Variants in TRIP12 observed in about 807,000 individuals in gnomAD.
TRIP12 encodes the protein thyroid hormone receptor interactor 12, also known as E3 ubiquitin-protein ligase TRIP12.
A neutral mutation model predicts 244.2 loss-of-function variants in TRIP12; 25 were observed. That is an observed-to-expected ratio of 0.10 (90% CI 0.07 to 0.14). The LOEUF is 0.14. Ranked by LOEUF, TRIP12 falls within the 10% of genes least tolerant of loss-of-function variation. The probability of loss-of-function intolerance (pLI) is 1.00; values close to 1 mark genes in which losing one functional copy is unlikely to be tolerated. For missense variants in TRIP12, 1,677 were observed against 2,486.4 expected (o/e 0.67, Z 6.92); for synonymous variants, 905 against 873.1 (o/e 1.04, Z -0.64).
chr2:229,795,095 T>A (rs1355221008), intron 26 of TRIP12, 84 bp downstream of exon 26: 1 of 1,504,678 alleles, frequency 6.6e-7, no homozygotes, highest in African/African-American at 1.4e-5. Flanking sequence ...AATCAAGACT[T>A]TACCAGACCT....
intron 25 of TRIP12, among the ~76,000 whole-genome samples, chr2:229,796,332 T>C (rs907283263): frequency 3.3e-5 from 5 of 152,224 alleles, no homozygotes; most frequent in Non-Finnish European, 5.9e-5. Context: ...CTACTATTAA[T>C]GGCTCATCCT....
intron 8 of TRIP12, among the ~76,000 whole-genome samples, chr2:229,828,370 C>T (rs1234330544): frequency 8.7e-5 from 13 of 149,690 alleles, no homozygotes; most frequent in African/African-American, 3.2e-4. Flanking sequence ...TTCCAGGCTT[C>T]TCCCCAGTGA....
At chr2:229,856,583 A>G (rs1407242703) in intron 4 of TRIP12, among the ~76,000 whole-genome samples, 1 of 152,214 alleles carries the variant, frequency 6.6e-6, no homozygotes, top group African/African-American at 2.4e-5. Context: ...CACATAAGAG[A>G]TGAGTTCTTC....
At chr2:229,824,663 G>C (rs1331654156) in intron 8 of TRIP12, among the ~76,000 whole-genome samples, 1 of 152,178 alleles carries the variant, frequency 6.6e-6, no homozygotes, top group African/African-American at 2.4e-5. Context: ...TGAACACGAA[G>C]AGTGAACACC....
chr2:229,880,028 T>C lies in TRIP12; in HGVS notation c.52A>G (p.Arg18Gly). 1 of 1,614,188 alleles carries C rather than the reference T, an allele frequency of 6.2e-7. No individual in the cohort carries two copies. The highest frequency in any genetic ancestry group is 8.5e-7 in the Non-Finnish European group (1 of 1,180,042). The change falls in exon 2 of 42, where the codon AGG becomes GGG. Residue 18 changes from arginine to glycine, a missense_variant. Transcript: ENST00000675903. Reference sequence around the variant, plus strand: ...TGTGGTTGGGCCCCGGCAGTGTTCCTCTGTGAACGTCGCAGTGACCCCCCT... The same window carrying C: ...TGTGGTTGGGCCCCGGCAGTGTTCCCCTGTGAACGTCGCAGTGACCCCCCT... ...NPGGSLRRSQ[R>G]NTAGAQPQDD...
At chr2:229,922,790 C>T (rs762786478), upstream of TRIP12, among the ~76,000 whole-genome samples, 4 of 152,220 alleles carry the variant, frequency 2.6e-5, no homozygotes, top group Admixed American at 6.5e-5. Flanking sequence ...CCCGCGTGTC[C>T]CTGCTCTCCC....
chr2:229,788,820 G>C lies in TRIP12; in HGVS notation c.4816C>G (p.Leu1606Val), dbSNP rs1260289635. 2 of 1,613,750 alleles carry C rather than the reference G, an allele frequency of 1.2e-6. No homozygotes were observed. Residue 1606 changes from leucine (L) to valine (V), a missense_variant, in exon 32 of 42, where the codon CTT (leucine) becomes GTT (valine). This residue lies in a region of TRIP12 where 265 missense variants were observed against 370.8 expected (regional missense o/e 0.71). Coordinates refer to ENST00000675903, the MANE Select transcript of TRIP12 (RefSeq NM_001348323.3). ...TACCAGGTTTTTCCTAGCTCAGTAA[G>C]CCATGTTGGGATGTTTCCTGTCATG... ...VIMTGNIPTW[L>V]TELGKTCPFF...
intron 4 of TRIP12, among the ~76,000 whole-genome samples, chr2:229,841,525 T>C (rs1208089504): frequency 1.3e-5 from 2 of 152,224 alleles, no homozygotes; most frequent in African/African-American, 2.4e-5. Context: ...TACAGGTCAA[T>C]AGGCTCGAAA....
intron 9 of TRIP12, among the ~76,000 whole-genome samples, chr2:229,817,011 C>G (rs1257060532): frequency 1.3e-5 from 2 of 152,168 alleles, no homozygotes; most frequent in Non-Finnish European, 2.9e-5. Flanking sequence ...CTTTTATTAT[C>G]TGCATCTGGG....
At chr2:229,868,939 G>A (rs1374657763) in intron 2 of TRIP12, among the ~76,000 whole-genome samples, 1 of 152,200 alleles carries the variant, frequency 6.6e-6, no homozygotes, top group African/African-American at 2.4e-5. Context: ...CATGTGACTT[G>A]CTTCAGCCAA....
chr2:229,905,460 T>C (rs2072472169), intron 1 of TRIP12, among the ~76,000 whole-genome samples: 1 of 152,118 alleles, frequency 6.6e-6, no homozygotes, highest in African/African-American at 2.4e-5. Flanking sequence ...CCACAGACCC[T>C]CACTTGTAGA....
intron 21 of TRIP12, among the ~76,000 whole-genome samples, chr2:229,799,900 T>G (rs1192370787): frequency 6.6e-6 from 1 of 152,202 alleles, no homozygotes; most frequent in Admixed American, 6.5e-5. Flanking sequence ...AATAACTAGC[T>G]GTTTAACTAT....
chr2:229,769,473 AT>A, intron 39 of TRIP12, 148 bp from the exon 40 acceptor site: 4 of 412,954 alleles, frequency 9.7e-6, no homozygotes, highest in African/African-American at 2.1e-5. Flanking sequence ...AAAAAAAATA[AT>A]AATAAAATAA....
Position 229,792,202 on chromosome 2 carries a change from T to C in TRIP12, c.4166A>G (p.Asp1389Gly). The change falls in exon 28 of 42, where the codon GAT (aspartate) becomes GGT (glycine). Residue 1389 changes from aspartate (D) to glycine (G), a missense_variant. By Grantham distance (94) the Asp-to-Gly change is moderately conservative. This residue lies in a region of TRIP12 where 265 missense variants were observed against 370.8 expected (regional missense o/e 0.71). Coordinates refer to ENST00000675903, the MANE Select transcript of TRIP12 (RefSeq NM_001348323.3). ...VRGYGRVRED[D>G]EDSDDDGSDE... Reference sequence around the variant, plus strand: ...TGATCCATCGTCATCGCTGTCTTCATCATCTTCTCTTACTCTTCCATACCC... The same window carrying C: ...TGATCCATCGTCATCGCTGTCTTCACCATCTTCTCTTACTCTTCCATACCC... The C allele has an allele frequency of 7.4e-6, 12 of 1,614,024 alleles. No individual in the cohort carries two copies. Among genetic ancestry groups the C allele is most frequent in the Non-Finnish European group, 1.0e-5 (12 of 1,179,958 alleles).
intron 4 of TRIP12, among the ~76,000 whole-genome samples, chr2:229,844,331 T>C (rs1050989521): frequency 6.6e-6 from 1 of 152,236 alleles, no homozygotes; most frequent in African/African-American, 2.4e-5. Context: ...GTCTGCCTAC[T>C]TAAAAGGAGT....
rs914420831 is a variant in TRIP12 at position 229,764,882 on chromosome 2, G to C, written c.*2672C>G. 4 of 152,178 alleles carry C rather than the reference G, an allele frequency of 2.6e-5. No individual in the cohort carries two copies. Among genetic ancestry groups the C allele is most frequent in the Non-Finnish European group, 2.9e-5 (2 of 68,038 alleles). 9.4% of individuals were successfully genotyped at this position (152,178 alleles called of 1,614,324 possible). Reference sequence around the variant, plus strand: ...TTTATATCCTGCTAGTGAAAGTTCTGTCACTACAAATGCAGGGAACCAGAG... The same window carrying C: ...TTTATATCCTGCTAGTGAAAGTTCTCTCACTACAAATGCAGGGAACCAGAG... On this transcript the variant is annotated 3_prime_UTR_variant, in exon 42 of 42. Transcript: ENST00000675903.
intron 1 of TRIP12, among the ~76,000 whole-genome samples, chr2:229,914,807 TTAGGCTTATAAA>T (rs2075062804): frequency 1.3e-5 from 2 of 152,214 alleles, no homozygotes; most frequent in Non-Finnish European, 2.9e-5. Context: ...TGATGGACAC[TTAGGCTTATAAA>T]TAGCCTTCAA....
chr2:229,768,622 C>A lies in TRIP12; in HGVS notation c.6001G>T (p.Val2001Phe), dbSNP rs1480930076. Residue 2001 changes from valine to phenylalanine, a missense_variant, in exon 41 of 42, where the codon GTT (valine) becomes TTT (phenylalanine). Val to Phe is a conservative substitution (Grantham distance 50). Around this residue, in one of 11 missense-constraint regions of TRIP12, gnomAD observed 171 missense variants for 388.4 expected, o/e 0.44. Transcript: ENST00000675903. ...QFVTGSPRLPVGGFRSLNPPL... is the reference protein window; with the variant it reads ...QFVTGSPRLPFGGFRSLNPPL... Reference sequence around the variant, plus strand: ...ACATCAACATCGTACCCACCTCCAACAGGCAATCTTGGGCTACCAGTCACA... The same window carrying A: ...ACATCAACATCGTACCCACCTCCAAAAGGCAATCTTGGGCTACCAGTCACA... 6.2e-7 allele frequency: 1 copy of A among 1,612,524 alleles called. No homozygotes were observed. The highest frequency in any genetic ancestry group is 8.5e-7 in the Non-Finnish European group (1 of 1,179,694).
At chr2:229,849,448 T>G (rs1252002715) in intron 4 of TRIP12, among the ~76,000 whole-genome samples, 1 of 151,854 alleles carries the variant, frequency 6.6e-6, no homozygotes, top group African/African-American at 2.4e-5. Flanking sequence ...GATCAAACAC[T>G]TGGGGGTGGG....
Sources: allele counts gnomAD v4.1 joint callset (sites outside exome capture counted in the v4.1 genomes callset), GRCh38; gene constraint gnomAD v4.1.1; regional missense constraint gnomAD v4.1.1; transcripts MANE v1.5; gene names NCBI Gene and HGNC (gene_info 2026-07-23, HGNC 2026-07-21).